The following CDKAL1 variants were observed in gnomAD, a reference collection of about 807,000 sequenced individuals.
The protein encoded by CDKAL1 is threonylcarbamoyladenosine tRNA methylthiotransferase.
CDKAL1 carries 32 observed loss-of-function variants against 68.2 expected under a neutral mutation model. The observed-to-expected ratio is 0.47, with a 90% CI of 0.35 to 0.63. CDKAL1 has a LOEUF of 0.63. Ranked by LOEUF, CDKAL1 falls within the 30% of genes least tolerant of loss-of-function variation. The probability of loss-of-function intolerance (pLI) is 0.00; values close to 1 mark genes in which losing one functional copy is unlikely to be tolerated. For missense variants in CDKAL1, 606 were observed against 696.7 expected (o/e 0.87, Z 1.47); for synonymous variants, 234 against 244.3 (o/e 0.96, Z 0.39).
chr6:20,854,778 T>C (rs1429004023), intron 9 of CDKAL1, among the ~76,000 whole-genome samples: 1 of 152,234 alleles, frequency 6.6e-6, no homozygotes, highest in East Asian at 1.9e-4. Context: ...GTGAGTTTTA[T>C]TTACGTTTTA....
chr6:21,047,998 G>A (rs1249627107), intron 11 of CDKAL1, among the ~76,000 whole-genome samples: 1 of 152,134 alleles, frequency 6.6e-6, no homozygotes, highest in Non-Finnish European at 1.5e-5. Flanking sequence ...AGGTTGATTA[G>A]GGCTACATTT....
At chr6:20,691,757 T>C (rs1009979728) in intron 5 of CDKAL1, among the ~76,000 whole-genome samples, 1 of 152,130 alleles carries the variant, frequency 6.6e-6, no homozygotes, top group Non-Finnish European at 1.5e-5. Context: ...TTGTCTTTTC[T>C]TGTAGTTGTC....
rs1178642412 is a variant in CDKAL1 at position 21,076,896 on chromosome 6, T to C, written c.1236+11668T>C. 2.0e-5 allele frequency among the ~76,000 whole-genome samples: 3 copies of C among 152,150 alleles called. No individual in the cohort carries two copies. In the East Asian group the frequency reaches 5.8e-4, roughly 29 times the overall value. On this transcript the variant is annotated intron_variant, in intron 12 of 15. Coordinates refer to ENST00000274695, the MANE Select transcript of CDKAL1 (RefSeq NM_017774.3). ...TTCGATGGAGTTTTTAGCCTGCCCA[T>C]AATTTTGTTGTATCTGGATTTCAGC...
intron 5 of CDKAL1, among the ~76,000 whole-genome samples, chr6:20,735,450 T>A (rs1773145729): frequency 6.6e-6 from 1 of 151,982 alleles, no homozygotes; most frequent in Non-Finnish European, 1.5e-5. Flanking sequence ...AACCATCAGA[T>A]CTCATCAGAA....
At chr6:20,956,563 T>G (rs763873718) in intron 10 of CDKAL1, among the ~76,000 whole-genome samples, 3 of 152,214 alleles carry the variant, frequency 2.0e-5, no homozygotes, top group Non-Finnish European at 4.4e-5. Flanking sequence ...TTTTCAAGTG[T>G]GTTCTTTGCA....
At chr6:20,934,648 C>A (rs762801571) in intron 9 of CDKAL1, among the ~76,000 whole-genome samples, 5 of 151,888 alleles carry the variant, frequency 3.3e-5, no homozygotes, top group Non-Finnish European at 7.4e-5. Flanking sequence ...AGTTCAAGAC[C>A]AGGCATGGCA....
At chr6:20,733,040 A>G (rs1773028721) in intron 5 of CDKAL1, among the ~76,000 whole-genome samples, 2 of 151,712 alleles carry the variant, frequency 1.3e-5, no homozygotes, top group African/African-American at 4.8e-5. Flanking sequence ...GCTGGGGAGG[A>G]CTCTTAGTCT....
At chr6:21,202,578 CA>C (rs931085471) in intron 15 of CDKAL1, among the ~76,000 whole-genome samples, 1 of 152,046 alleles carries the variant, frequency 6.6e-6, no homozygotes, top group Non-Finnish European at 1.5e-5. Flanking sequence ...GTGTGTTTTA[CA>C]AGGTTAATTT....
At chr6:21,027,803 C>T (rs1411377692) in intron 11 of CDKAL1, among the ~76,000 whole-genome samples, 1 of 152,156 alleles carries the variant, frequency 6.6e-6, no homozygotes, top group African/African-American at 2.4e-5. Flanking sequence ...CAGCAGGAAA[C>T]AGGCTAATAT....
At chr6:20,684,969 G>A (rs1023431771) in intron 5 of CDKAL1, among the ~76,000 whole-genome samples, 2 of 151,732 alleles carry the variant, frequency 1.3e-5, no homozygotes, top group Non-Finnish European at 2.9e-5. Context: ...TTATTTTCTT[G>A]ACAATATCTT....
At chr6:21,120,277 A>G (rs1012823422) in intron 13 of CDKAL1, among the ~76,000 whole-genome samples, 2 of 152,210 alleles carry the variant, frequency 1.3e-5, no homozygotes, top group Non-Finnish European at 2.9e-5. Flanking sequence ...AGTGTATTTT[A>G]CCATTCTTTG....
chr6:21,120,700 A>G (rs2151007635), intron 13 of CDKAL1, among the ~76,000 whole-genome samples: 1 of 152,372 alleles, frequency 6.6e-6, no homozygotes, highest in South Asian at 2.1e-4. Context: ...AAATATTATC[A>G]TACTAGAAAG....
intron 13 of CDKAL1, among the ~76,000 whole-genome samples, chr6:21,143,983 G>C (rs1776044603): frequency 7.3e-6 from 1 of 136,934 alleles, no homozygotes; most frequent in African/African-American, 2.9e-5. Context: ...TAAGGGAAGA[G>C]AGAGTTGGAT....
intron 7 of CDKAL1, among the ~76,000 whole-genome samples, chr6:20,769,257 CT>C (rs371966986): frequency 6.1e-5 from 7 of 114,978 alleles, no homozygotes; most frequent in Non-Finnish European, 1.2e-4. Context: ...TTGTGATCAT[CT>C]TTTTTTTTTT....
chr6:21,190,878 G>T (rs190343979), intron 13 of CDKAL1, among the ~76,000 whole-genome samples: 301 of 152,082 alleles, frequency 2.0e-3, no homozygotes, highest in Non-Finnish European at 3.9e-3. Context: ...TTGTAACTCA[G>T]CATCTCAGAA....
intron 4 of CDKAL1, among the ~76,000 whole-genome samples, chr6:20,644,324 A>G (rs572434006): frequency 6.6e-6 from 1 of 152,208 alleles, no homozygotes; most frequent in African/African-American, 2.4e-5. Flanking sequence ...AAGAGGAACT[A>G]TCTTTTGATA....
At chr6:21,176,693 T>G (rs891274287) in intron 13 of CDKAL1, among the ~76,000 whole-genome samples, 56 of 136,478 alleles carry the variant, frequency 4.1e-4, no homozygotes, top group South Asian at 1.6e-3. Flanking sequence ...TTTTTTTTTT[T>G]TTGTTTTTTT....
chr6:21,018,910 T>C (rs987938677), intron 11 of CDKAL1, among the ~76,000 whole-genome samples: 4 of 152,182 alleles, frequency 2.6e-5, no homozygotes, highest in Non-Finnish European at 4.4e-5. Context: ...CACCTTGTTT[T>C]ACCTCCTTTG....
chr6:21,226,753 C>T (rs2151129069), intron 15 of CDKAL1, among the ~76,000 whole-genome samples: 1 of 152,310 alleles, frequency 6.6e-6, no homozygotes, highest in South Asian at 2.1e-4. Flanking sequence ...CACTCTGTCA[C>T]CCAGGCTGGA....
Sources: gnomAD v4.1 joint callset for allele counts (sites outside exome capture counted in the v4.1 genomes callset) on GRCh38, gnomAD v4.1.1 for gene constraint, MANE v1.5 for transcripts, NCBI Gene and HGNC (gene_info 2026-07-23, HGNC 2026-07-21) for gene names.